Variants in ADAMTS2 observed in about 807,000 individuals in gnomAD.
ADAMTS2 encodes A disintegrin and metalloproteinase with thrombospondin motifs 2.
A neutral mutation model predicts 123.0 loss-of-function variants in ADAMTS2; 50 were observed. That is an observed-to-expected ratio of 0.41 (90% CI 0.32 to 0.51). The LOEUF (loss-of-function observed/expected upper bound fraction) is 0.51. ADAMTS2 is among the 20% of genes least tolerant of loss of function. The pLI is 0.35. For missense variants in ADAMTS2, 1,494 were observed against 1,705.2 expected, an observed-to-expected ratio of 0.88 and a Z score of 2.18; for synonymous variants, 678 against 695.4, an observed-to-expected ratio of 0.98 and a Z score of 0.39.
At position 179,206,512 on chromosome 5, in the gene ADAMTS2, C is replaced by T. The variant is rs577248794; in HGVS notation, c.891+1001G>A. Among the ~76,000 whole-genome samples, 3 of 152,292 alleles carry T rather than the reference C, an allele frequency of 2.0e-5. No homozygotes were observed. The East Asian group carries it at 5.8e-4, about 29-fold the overall frequency. ...TAGAACTTCCCACCTGCCCGGCTTC[C>T]ACACCACCTCCAGCCCTCCCTAAGC... On this transcript the variant is annotated intron_variant, in intron 4 of 21. Transcript: ENST00000251582.
At chr5:179,276,095 A>C (rs1766687513) in intron 2 of ADAMTS2, among the ~76,000 whole-genome samples, 1 of 152,118 alleles carries the variant, frequency 6.6e-6, no homozygotes, top group Non-Finnish European at 1.5e-5. Flanking sequence ...CTTCTGACTC[A>C]TCCCTGGGTC....
chr5:179,305,950 G>T (rs931694891), intron 2 of ADAMTS2, among the ~76,000 whole-genome samples: 1 of 152,054 alleles, frequency 6.6e-6, no homozygotes, highest in African/African-American at 2.4e-5. Flanking sequence ...AGCATAAAAA[G>T]TTCTGTAACT....
At chr5:179,277,305 G>A (rs1348357928) in intron 2 of ADAMTS2, among the ~76,000 whole-genome samples, 4 of 144,360 alleles carry the variant, frequency 2.8e-5, no homozygotes, top group Non-Finnish European at 4.5e-5. Context: ...CACCTGCCCC[G>A]AGACCAAAGG....
intron 10 of ADAMTS2, among the ~76,000 whole-genome samples, chr5:179,141,362 T>C (rs1483070159): frequency 6.6e-6 from 1 of 152,186 alleles, no homozygotes; most frequent in Non-Finnish European, 1.5e-5. Context: ...TATAAATGAA[T>C]GGACATGGCT....
intron 7 of ADAMTS2, among the ~76,000 whole-genome samples, chr5:179,154,429 C>T (rs947643289): frequency 2.0e-5 from 3 of 152,190 alleles, no homozygotes; most frequent in Non-Finnish European, 4.4e-5. Flanking sequence ...GGGGCATGCA[C>T]ACCTGGGGGG....
chr5:179,185,800 G>A lies in ADAMTS2; in HGVS notation c.892-4645C>T, dbSNP rs1764160475. Among the ~76,000 whole-genome samples, 1 of 152,016 alleles carries A rather than the reference G, an allele frequency of 6.6e-6. No individual in the cohort carries two copies. Among genetic ancestry groups the A allele is most frequent in the African/African-American group, 2.4e-5 (1 of 41,390 alleles). On this transcript the variant is annotated intron_variant, in intron 4 of 21. Transcript: ENST00000251582. The surrounding 1 kb of genome is among the most constrained non-coding windows in gnomAD (Gnocchi z 5.9). ...CCAGCAGCCAGCTCCCACCTCCTGC[G>A]CTGGGTGCCCTGACCCTGGCCTCTG... is the stretch of plus-strand genomic sequence containing the variant.
intron 20 of ADAMTS2, 111 bp downstream of exon 20, chr5:179,122,533 G>A: frequency 7.0e-7 from 1 of 1,438,072 alleles, no homozygotes. Flanking sequence ...CACAGATGTT[G>A]AGTCCAGCTA....
At chr5:179,237,727 TG>T (rs1469808086) in intron 3 of ADAMTS2, among the ~76,000 whole-genome samples, 1 of 152,180 alleles carries the variant, frequency 6.6e-6, no homozygotes, top group African/African-American at 2.4e-5. Context: ...GGCCTCTCTG[TG>T]TCCCTGTCTG....
At chr5:179,137,681 C>T in intron 12 of ADAMTS2, 88 bp downstream of exon 12, 2 of 1,505,534 alleles carry the variant, frequency 1.3e-6, no homozygotes, top group Non-Finnish European at 8.9e-7. Flanking sequence ...AGCCTTGCCC[C>T]ATGCAGGATC....
intron 4 of ADAMTS2, among the ~76,000 whole-genome samples, chr5:179,204,511 C>A (rs1278032460): frequency 6.6e-6 from 1 of 152,242 alleles, no homozygotes; most frequent in Non-Finnish European, 1.5e-5. Flanking sequence ...ATCTCCCCAG[C>A]ACCGCGGGAA....
chr5:179,272,700 T>C lies in ADAMTS2; in HGVS notation c.688+211A>G, dbSNP rs1043477924. ...GTGTCTGGGCTGCTTGTCACCCACA[T>C]GCACCCAGAACAGAGGCCCCAGCCC... On this transcript the variant is annotated intron_variant, in intron 3 of 21. Transcript: ENST00000251582. This position sits in a 1 kb window ranked among gnomAD's most constrained non-coding sequence, Gnocchi z 5.8. 4.6e-5 allele frequency among the ~76,000 whole-genome samples: 7 copies of C among 152,170 alleles called. No homozygotes were observed. Among genetic ancestry groups the C allele is most frequent in the African/African-American group, 1.7e-4 (7 of 41,460 alleles).
In ADAMTS2 at chr5:179,137,879, T is replaced by C. The variant is rs1240500945; in HGVS notation, c.1841A>G (p.Asp614Gly). The change falls in exon 12 of 22, where the codon GAC becomes GGC. Residue 614 changes from aspartate to glycine, a missense_variant. Asp to Gly is a moderately conservative substitution (Grantham distance 94, BLOSUM62 -1). This residue lies in a region of ADAMTS2 where 953 missense variants were observed against 1,124.7 expected (regional missense o/e 0.85). Coordinates refer to ENST00000251582, the MANE Select transcript of ADAMTS2 (RefSeq NM_014244.5). ...GAAGTCAGCCAGGGAGTCGGGGCAG[T>C]CCTGGCGGCTGCAGAGCTGGAAGTC... ...AYDFQLCSRQDCPDSLADFRE... is the reference protein window; with the variant it reads ...AYDFQLCSRQGCPDSLADFRE... 6.4e-7 allele frequency: 1 copy of C among 1,558,102 alleles called. No individual in the cohort carries two copies. Among genetic ancestry groups the C allele is most frequent in the Non-Finnish European group, 8.7e-7 (1 of 1,152,334 alleles).
At chr5:179,319,648 G>T (rs535360378) in intron 2 of ADAMTS2, among the ~76,000 whole-genome samples, 4 of 151,958 alleles carry the variant, frequency 2.6e-5, no homozygotes, top group Admixed American at 1.3e-4. Context: ...TTTGCTTATT[G>T]TATGTCTCTA....
chr5:179,333,166 G>A (rs568016850), intron 2 of ADAMTS2, among the ~76,000 whole-genome samples: 4 of 152,320 alleles, frequency 2.6e-5, no homozygotes, highest in African/African-American at 9.6e-5. Flanking sequence ...ATGCCCACTG[G>A]CCATCGCTTC....
At chr5:179,249,845 T>G (rs1370734968) in intron 3 of ADAMTS2, among the ~76,000 whole-genome samples, 1 of 152,188 alleles carries the variant, frequency 6.6e-6, no homozygotes, top group Non-Finnish European at 1.5e-5. Context: ...CATCTTTCTA[T>G]GAGGCCAGCA....
At chr5:179,231,323 C>T (rs567358384) in intron 3 of ADAMTS2, among the ~76,000 whole-genome samples, 2 of 152,238 alleles carry the variant, frequency 1.3e-5, no homozygotes, top group Admixed American at 6.5e-5. Flanking sequence ...TGCTGTACAA[C>T]GTTGTGCCTG....
Position 179,153,586 on chromosome 5 carries a change from C to G in ADAMTS2, c.1420G>C (p.Asp474His). ...DCLLDDPFAH[D>H]WPALPQLPGL... Reference sequence around the variant, plus strand: ...GGGAGCTGGGGCAGCGCCGGCCAGTCGTGGGCGAAGGGGTCATCCAGCAGG... The same window carrying G: ...GGGAGCTGGGGCAGCGCCGGCCAGTGGTGGGCGAAGGGGTCATCCAGCAGG... Residue 474 changes from aspartate (D) to histidine (H), a missense_variant, in exon 9 of 22, where the codon GAC becomes CAC. Transcript: ENST00000251582. The G allele has an allele frequency of 6.2e-7, 1 of 1,607,696 alleles. No homozygotes were observed.
chr5:179,189,510 G>GCTTTTTTTT lies in ADAMTS2; in HGVS notation c.892-8356_892-8355insAAAAAAAAG, dbSNP rs1554128903. 0.011 allele frequency among the ~76,000 whole-genome samples: 886 copies of GCTTTTTTTT among 78,960 alleles called. 225 individuals are homozygous for GCTTTTTTTT. Among genetic ancestry groups the GCTTTTTTTT allele is most frequent in the African/African-American group, 0.013 (280 of 22,396 alleles). The allele number at this position is 78,960 out of a possible 152,430, so 51.8% of individuals were successfully genotyped here. A position where few individuals can be genotyped will look rare whatever the true frequency, so the allele number is the denominator to read the frequency against. Reference sequence around the variant, plus strand: ...CTACAGGCGCCCGCCAGTGCGCCTGGTTTTTTTTTTTTTTTTTTTTTTTTT... The same window carrying GCTTTTTTTT: ...CTACAGGCGCCCGCCAGTGCGCCTGGCTTTTTTTTTTTTTTTTTTTTTTTTTTTTTTTTT... On this transcript the variant is annotated intron_variant, in intron 4 of 21. Transcript: ENST00000251582. This position sits in a 1 kb window ranked among gnomAD's most constrained non-coding sequence, Gnocchi z 4.2.
intron 3 of ADAMTS2, 119 bp from the exon 4 acceptor site, chr5:179,207,834 T>G: frequency 2.2e-6 from 2 of 892,386 alleles, no homozygotes; most frequent in Non-Finnish European, 3.6e-6. Flanking sequence ...CCGAGGGTAT[T>G]ATTCCATTTT....
Sources: allele counts gnomAD v4.1 joint callset (sites outside exome capture counted in the v4.1 genomes callset), GRCh38; gene constraint gnomAD v4.1.1; regional missense constraint gnomAD v4.1.1; non-coding constraint Gnocchi (gnomAD v3.1); transcripts MANE v1.5; gene names NCBI Gene and HGNC (gene_info 2026-07-23, HGNC 2026-07-21).